OSBPL1A: variants seen among roughly 807,000 people sequenced by gnomAD.
OSBPL1A encodes oxysterol-binding protein-related protein 1.
A neutral mutation model predicts 137.1 loss-of-function variants in OSBPL1A; 80 were observed. That is an observed-to-expected ratio of 0.58 (90% CI 0.49 to 0.70). The LOEUF is 0.70. OSBPL1A is among the 30% of genes least tolerant of loss of function. The pLI, the probability that OSBPL1A is intolerant of heterozygous loss-of-function variation, is 0.00. For synonymous variants in OSBPL1A, 365 were observed against 389.7 expected, an observed-to-expected ratio of 0.94 and a Z score of 0.75; for missense variants, 970 against 1,129.4, an observed-to-expected ratio of 0.86 and a Z score of 2.02.
chr18:24,321,056 GAATAAT>G (rs371085222), intron 7 of OSBPL1A, among the ~76,000 whole-genome samples: 2,199 of 147,518 alleles, frequency 0.015, 58 homozygotes, highest in African/African-American at 0.052. Context: ...GAAAAGAAAA[GAATAAT>G]AATAATAACT....
chr18:24,293,404 C>A (rs901533522), intron 14 of OSBPL1A, among the ~76,000 whole-genome samples: 2 of 152,110 alleles, frequency 1.3e-5, no homozygotes, highest in East Asian at 3.9e-4. Flanking sequence ...CTTCCTCTCC[C>A]GTCCCTCCGC....
At chr18:24,206,973 G>C (rs1201364434) in intron 17 of OSBPL1A, among the ~76,000 whole-genome samples, 1 of 152,102 alleles carries the variant, frequency 6.6e-6, no homozygotes, top group African/African-American at 2.4e-5. Flanking sequence ...TTTTGCATAT[G>C]ACAGGTGCTC....
chr18:24,247,511 G>C (rs778011109), intron 15 of OSBPL1A, among the ~76,000 whole-genome samples: 22 of 152,156 alleles, frequency 1.4e-4, no homozygotes, highest in Non-Finnish European at 2.8e-4. Flanking sequence ...TGTCACCCAG[G>C]CTAGAAGGCA....
chr18:24,333,116 T>C, intron 6 of OSBPL1A, 30 bp from the exon 7 acceptor site: 1 of 1,606,844 alleles, frequency 6.2e-7, no homozygotes, highest in Non-Finnish European at 8.5e-7. Context: ...AATGCAGAAT[T>C]ATATATCAAA....
At chr18:24,224,165 A>C (rs958079889) in intron 17 of OSBPL1A, among the ~76,000 whole-genome samples, 2 of 152,214 alleles carry the variant, frequency 1.3e-5, no homozygotes, top group Non-Finnish European at 2.9e-5. Flanking sequence ...TTTGTTAACA[A>C]AGGGAAAATA....
intron 5 of OSBPL1A, among the ~76,000 whole-genome samples, chr18:24,338,527 TA>T (rs1015055461): frequency 6.6e-6 from 1 of 152,140 alleles, no homozygotes; most frequent in East Asian, 1.9e-4. Context: ...GACCCAAAGA[TA>T]AACTCCCTGC....
chr18:24,349,459 T>C (rs117461261), intron 4 of OSBPL1A, among the ~76,000 whole-genome samples: 1,935 of 152,258 alleles, frequency 0.013, 14 homozygotes, highest in Non-Finnish European at 0.021. Context: ...TTCTTAACCA[T>C]TAAAAATAAC....
At chr18:24,242,346 A>G (rs1353928918) in intron 15 of OSBPL1A, among the ~76,000 whole-genome samples, 1 of 150,084 alleles carries the variant, frequency 6.7e-6, no homozygotes, top group East Asian at 1.9e-4. Flanking sequence ...TAAAAAAAAA[A>G]AAGAAAGAAA....
intron 16 of OSBPL1A, among the ~76,000 whole-genome samples, chr18:24,231,220 G>A (rs1449253068): frequency 6.6e-6 from 1 of 152,192 alleles, no homozygotes; most frequent in Non-Finnish European, 1.5e-5. Flanking sequence ...AGTATTAATA[G>A]AATTAAAATG....
chr18:24,239,470 T>C lies in OSBPL1A; in HGVS notation c.1282-88A>G, dbSNP rs942399587. The C allele has an allele frequency of 8.0e-6, 10 of 1,248,580 alleles. 1 individual carries two copies. In the African/African-American group the frequency reaches 1.4e-4, roughly 17 times the overall value. The allele number at this position is 1,248,580 out of a possible 1,614,324, so 77.3% of individuals were successfully genotyped here. Reference sequence around the variant, plus strand: ...GGATGTGAAAATTAATTGCTTTTGATCCAGTTCAACTGCAATATCAGAAAT... The same window carrying C: ...GGATGTGAAAATTAATTGCTTTTGACCCAGTTCAACTGCAATATCAGAAAT... On this transcript the variant is annotated intron_variant, in intron 15 of 27. Coordinates refer to ENST00000319481, the MANE Select transcript of OSBPL1A (RefSeq NM_080597.4).
At chr18:24,222,709 C>T (rs567990857) in intron 17 of OSBPL1A, among the ~76,000 whole-genome samples, 1 of 152,058 alleles carries the variant, frequency 6.6e-6, no homozygotes, top group Non-Finnish European at 1.5e-5. Flanking sequence ...AGGTTGAAAA[C>T]GCTTGTTCTA....
intron 17 of OSBPL1A, among the ~76,000 whole-genome samples, chr18:24,216,205 C>T (rs1328244854): frequency 2.0e-5 from 3 of 152,134 alleles, no homozygotes; most frequent in Admixed American, 2.0e-4. Context: ...CCTTTGTATT[C>T]TCAATAAAAT....
intron 1 of OSBPL1A, among the ~76,000 whole-genome samples, chr18:24,384,880 AAAAAAAG>A (rs1454039903): frequency 8.6e-5 from 13 of 151,880 alleles, no homozygotes; most frequent in Non-Finnish European, 2.9e-5. Flanking sequence ...CTCGGAAAAA[AAAAAAAG>A]AAAAAAGAAA....
In OSBPL1A at chr18:24,271,535, G is replaced by A; in HGVS notation, c.1281+9307C>T. 1.0e-6 allele frequency: 1 copy of A among 983,090 alleles called. No individual in the cohort carries two copies. Among genetic ancestry groups the A allele is most frequent in the Non-Finnish European group, 1.2e-6 (1 of 827,762 alleles). 60.9% of individuals were successfully genotyped at this position (983,090 alleles called of 1,614,324 possible). The stretch of plus-strand genomic sequence containing the variant: ...CTACTCACATCCCTGGATCAAGTCT[G>A]GCCGCCCTCCCCGCTCCGTCCCCCG... On this transcript the variant is annotated intron_variant, in intron 15 of 27. Coordinates refer to ENST00000319481, the MANE Select transcript of OSBPL1A (RefSeq NM_080597.4). The surrounding 1 kb of genome is among the most constrained non-coding windows in gnomAD (Gnocchi z 4.0).
intron 21 of OSBPL1A, among the ~76,000 whole-genome samples, chr18:24,177,683 T>G (rs532193069): frequency 3.8e-4 from 58 of 152,364 alleles, no homozygotes; most frequent in African/African-American, 1.4e-3. Context: ...GAATTCATTT[T>G]GAAAGATCTG....
rs534134576 is a variant in OSBPL1A at position 24,162,065 on chromosome 18, C to A, written c.*1114G>T. On this transcript the variant is annotated 3_prime_UTR_variant, in exon 28 of 28. Transcript: ENST00000319481. ...CACACTTTTGGGGAACATTCTAAAG[C>A]CTTTATTTAGCATCAGGTAGATTAT... 1 of 152,494 alleles carries A rather than the reference C, an allele frequency of 6.6e-6. No homozygotes were observed. The highest frequency in any genetic ancestry group is 1.9e-4 in the East Asian group (1 of 5,190). 9.4% of individuals were successfully genotyped at this position (152,494 alleles called of 1,614,324 possible). A position where few individuals can be genotyped will look rare whatever the true frequency, so the allele number is the denominator to read the frequency against.
chr18:24,383,418 TA>T (rs1193835785), intron 1 of OSBPL1A, among the ~76,000 whole-genome samples: 1 of 152,182 alleles, frequency 6.6e-6, no homozygotes, highest in East Asian at 1.9e-4. Flanking sequence ...AAAAAAAGAT[TA>T]AAAAAATTCT....
At chr18:24,267,844 CT>C (rs576043512) in intron 15 of OSBPL1A, among the ~76,000 whole-genome samples, 9,712 of 141,726 alleles carry the variant, frequency 0.069, 392 homozygotes, top group African/African-American at 0.13. Flanking sequence ...AGAGGTATGC[CT>C]TTTTTTTTTT....
At chr18:24,319,057 G>A (rs1452052270) in intron 7 of OSBPL1A, among the ~76,000 whole-genome samples, 2 of 152,140 alleles carry the variant, frequency 1.3e-5, no homozygotes, top group Non-Finnish European at 2.9e-5. Flanking sequence ...TAAATTTGTG[G>A]CTTAAACAAT....
Sources: gnomAD v4.1 joint callset for allele counts (sites outside exome capture counted in the v4.1 genomes callset) on GRCh38, gnomAD v4.1.1 for gene constraint, Gnocchi (gnomAD v3.1) non-coding constraint, MANE v1.5 for transcripts, NCBI Gene and HGNC (gene_info 2026-07-23, HGNC 2026-07-21) for gene names.